The following JMY variants were observed in gnomAD, a reference collection of about 807,000 sequenced individuals.
JMY encodes junction-mediating and -regulatory protein.
Under a neutral mutation model 103.3 loss-of-function variants are expected in JMY, and 46 were observed. That is an observed-to-expected ratio of 0.45 (90% confidence interval 0.35 to 0.57). JMY has a LOEUF of 0.57. Ranked by LOEUF, JMY falls within the 20% of genes least tolerant of loss-of-function variation. The pLI is 0.00. For synonymous variants in JMY, 526 were observed against 489.3 expected, an observed-to-expected ratio of 1.07 and a Z score of -0.99; for missense variants, 1,238 against 1,255.2, an observed-to-expected ratio of 0.99 and a Z score of 0.21.
chr5:79,260,682 C>T (rs1415806026), intron 1 of JMY, among the ~76,000 whole-genome samples: 2 of 151,834 alleles, frequency 1.3e-5, no homozygotes, highest in African/African-American at 4.8e-5. Context: ...TGAGCGACCA[C>T]ACCTGGCCCC....
chr5:79,276,863 C>A (rs1204420235), intron 1 of JMY, among the ~76,000 whole-genome samples: 1 of 152,074 alleles, frequency 6.6e-6, no homozygotes, highest in Non-Finnish European at 1.5e-5. Flanking sequence ...CCACGGCCTC[C>A]CAAAGTGCTA....
chr5:79,316,381 A>T, intron 10 of JMY, 71 bp downstream of exon 10: 1 of 1,206,964 alleles, frequency 8.3e-7, no homozygotes, highest in Non-Finnish European at 1.2e-6. Context: ...GGTTTGGGGT[A>T]TTTTTTATTG....
chr5:79,283,053 G>T (rs1026232530), intron 2 of JMY, among the ~76,000 whole-genome samples: 10 of 151,332 alleles, frequency 6.6e-5, no homozygotes, highest in Non-Finnish European at 1.5e-4. Flanking sequence ...CTGGAGTGCA[G>T]TGGTGCAGTC....
rs928826648 is a variant in JMY, at chr5:79,236,574, G to C, written c.-77G>C. 2 of 1,173,236 alleles carry C rather than the reference G, an allele frequency of 1.7e-6. No individual in the cohort carries two copies. The highest frequency in any genetic ancestry group is 2.2e-6 in the Non-Finnish European group (2 of 911,260). The allele number at this position is 1,173,236 out of a possible 1,614,324, so 72.7% of individuals were successfully genotyped here. The stretch of plus-strand genomic sequence containing the variant: ...GGCGCCCGGCGAGGGTGAGCGGGGG[G>C]CGCGGCGCAGCCAGCGGGGAGTCCT... On this transcript the variant is annotated 5_prime_UTR_variant, in exon 1 of 11. Coordinates refer to ENST00000396137, the MANE Select transcript of JMY (RefSeq NM_152405.5).
At chr5:79,284,980 T>A in intron 2 of JMY, 2 of 1,053,982 alleles carry the variant, frequency 1.9e-6, no homozygotes, top group Non-Finnish European at 2.8e-6. Context: ...AAGTTGAAAC[T>A]AGACGAACCT....
rs1490174667 is a variant in JMY at position 79,236,633 on chromosome 5, C to T, written c.-18C>T. Reference sequence around the variant, plus strand: ...CCGGGCCGGCGGCCCTTCCCCGCGGCGAGAAGCCGGAGCCACCATGTCGTT... The same window carrying T: ...CCGGGCCGGCGGCCCTTCCCCGCGGTGAGAAGCCGGAGCCACCATGTCGTT... On this transcript the variant is annotated 5_prime_UTR_variant, in exon 1 of 11. Transcript: ENST00000396137. The T allele has an allele frequency of 2.2e-6, 3 of 1,370,762 alleles. No individual in the cohort carries two copies. Among genetic ancestry groups the T allele is most frequent in the East Asian group, 6.2e-5 (2 of 32,202 alleles). The allele number at this position is 1,370,762 out of a possible 1,614,324, so 84.9% of individuals were successfully genotyped here.
chr5:79,269,115 T>C (rs952231903), intron 1 of JMY, among the ~76,000 whole-genome samples: 3 of 152,160 alleles, frequency 2.0e-5, no homozygotes, highest in African/African-American at 7.2e-5. Context: ...TCTAGAAGTT[T>C]TATAGTTTTC....
chr5:79,252,783 A>G (rs1044825811), intron 1 of JMY, among the ~76,000 whole-genome samples: 2 of 152,080 alleles, frequency 1.3e-5, no homozygotes, highest in Non-Finnish European at 2.9e-5. Flanking sequence ...CTTTGTTTCC[A>G]TTGACATGGA....
Position 79,326,192 on chromosome 5 carries a change from T to C in JMY, c.*4590T>C, listed in dbSNP as rs1218818425. On this transcript the variant is annotated 3_prime_UTR_variant, in exon 11 of 11. Coordinates refer to ENST00000396137, the MANE Select transcript of JMY (RefSeq NM_152405.5). ...AGGGGAAAGTTTTGTTTTTTGCTGG[T>C]GTTTTTTGTTGTTTTTAATTAGGCA... 1.3e-5 allele frequency: 2 copies of C among 152,126 alleles called. No homozygotes were observed. Among genetic ancestry groups the C allele is most frequent in the Admixed American group, 1.3e-4 (2 of 15,278 alleles). The allele number at this position is 152,126 out of a possible 1,614,324, so 9.4% of individuals were successfully genotyped here.
At chr5:79,265,436 C>T (rs941603834) in intron 1 of JMY, among the ~76,000 whole-genome samples, 3 of 152,176 alleles carry the variant, frequency 2.0e-5, no homozygotes, top group African/African-American at 7.2e-5. Context: ...GAGTCCCATT[C>T]TGCAGATCTA....
At chr5:79,288,716 G>T (rs1182440640) in intron 2 of JMY, among the ~76,000 whole-genome samples, 8 of 146,470 alleles carry the variant, frequency 5.5e-5, no homozygotes, top group African/African-American at 1.3e-4. Flanking sequence ...GTTTTGTTTT[G>T]TTTTTTTTTG....
intron 1 of JMY, among the ~76,000 whole-genome samples, chr5:79,252,758 G>A (rs985819562): frequency 2.0e-5 from 3 of 152,112 alleles, no homozygotes; most frequent in Non-Finnish European, 2.9e-5. Flanking sequence ...TTTTGTCTAA[G>A]TATAGCTATT....
At chr5:79,253,093 G>T in intron 1 of JMY, among the ~76,000 whole-genome samples, 1 of 151,476 alleles carries the variant, frequency 6.6e-6, no homozygotes, top group African/African-American at 2.4e-5. Flanking sequence ...TATGTTTTTT[G>T]GTTTGAGGTT....
intron 1 of JMY, among the ~76,000 whole-genome samples, chr5:79,249,840 T>G (rs968664381): frequency 6.6e-6 from 1 of 152,154 alleles, no homozygotes; most frequent in Non-Finnish European, 1.5e-5. Context: ...GTAGAGGCCA[T>G]GTGGGGCAGT....
intron 1 of JMY, among the ~76,000 whole-genome samples, chr5:79,265,364 A>G (rs1745556075): frequency 6.6e-6 from 1 of 152,232 alleles, no homozygotes; most frequent in Non-Finnish European, 1.5e-5. Context: ...ATATTTATTA[A>G]AGCAGTGCTT....
chr5:79,269,377 T>C (rs944676763), intron 1 of JMY, among the ~76,000 whole-genome samples: 10 of 152,166 alleles, frequency 6.6e-5, no homozygotes, highest in Non-Finnish European at 7.4e-5. Flanking sequence ...GGTTGAGGAG[T>C]GTCAGACCTT....
At chr5:79,318,741 AATAT>A (rs71830021) in intron 10 of JMY, among the ~76,000 whole-genome samples, 34,202 of 134,756 alleles carry the variant, frequency 0.25, 4,438 homozygotes, top group Admixed American at 0.29. Context: ...TTTGTAAAGG[AATAT>A]ATATATATAT....
At chr5:79,309,614 C>G (rs1746985787) in intron 7 of JMY, among the ~76,000 whole-genome samples, 1 of 152,130 alleles carries the variant, frequency 6.6e-6, no homozygotes, top group African/African-American at 2.4e-5. Context: ...GGCCAAAGGG[C>G]TTAAATTTGT....
chr5:79,325,524 C>T lies in JMY; in HGVS notation c.*3922C>T, dbSNP rs756698736. ...TGCATTTTAAACAGATTCTATTTCC[C>T]ACTTACTGCTTAGCATAGAAAAAGA... is the stretch of plus-strand genomic sequence containing the variant. On this transcript the variant is annotated 3_prime_UTR_variant, in exon 11 of 11. Coordinates refer to ENST00000396137, the MANE Select transcript of JMY (RefSeq NM_152405.5). The T allele has an allele frequency of 3.3e-5, 5 of 152,220 alleles. No homozygotes were observed. The South Asian group carries it at 1.0e-3, about 32-fold the overall frequency. The allele number at this position is 152,220 out of a possible 1,614,324, so 9.4% of individuals were successfully genotyped here.
Sources: gnomAD v4.1 joint callset for allele counts (sites outside exome capture counted in the v4.1 genomes callset) on GRCh38, gnomAD v4.1.1 for gene constraint, MANE v1.5 for transcripts, NCBI Gene and HGNC (gene_info 2026-07-23, HGNC 2026-07-21) for gene names.